Variants in MDH2 observed in about 807,000 individuals in gnomAD.
MDH2 encodes the protein malate dehydrogenase, mitochondrial.
Under a neutral mutation model 33.6 loss-of-function variants are expected in MDH2, and 25 were observed. That is an observed-to-expected ratio of 0.74 (90% CI 0.54 to 1.04). The LOEUF (loss-of-function observed/expected upper bound fraction) is 1.04. Among genes scored for constraint, MDH2 ranks in the 50% least tolerant of loss-of-function variants. MDH2 has a pLI of 0.00. For synonymous variants in MDH2, 193 were observed against 188.7 expected, an observed-to-expected ratio of 1.02 and a Z score of -0.19; for missense variants, 432 against 445.0, an observed-to-expected ratio of 0.97 and a Z score of 0.26.
At chr7:76,059,689 C>A (rs1260654695) in intron 4 of MDH2, among the ~76,000 whole-genome samples, 1 of 152,194 alleles carries the variant, frequency 6.6e-6, no homozygotes, top group Non-Finnish European at 1.5e-5. Context: ...TGGATGCCAG[C>A]AGGCATGCAG....
chr7:76,049,884 T>C (rs1421351800), intron 1 of MDH2, among the ~76,000 whole-genome samples: 1 of 152,112 alleles, frequency 6.6e-6, no homozygotes, highest in Non-Finnish European at 1.5e-5. Flanking sequence ...CAGGCTGGAG[T>C]GCAGTGGCGT....
At chr7:76,049,123 C>A (rs901427085) in intron 1 of MDH2, 1 of 984,508 alleles carries the variant, frequency 1.0e-6, no homozygotes, top group South Asian at 4.7e-5. Flanking sequence ...AATTTATCAT[C>A]GAAGTTCTCG....
chr7:76,064,763 T>C (rs1554587568), intron 7 of MDH2, 39 bp from the exon 8 acceptor site: 2 of 1,591,956 alleles, frequency 1.3e-6, no homozygotes, highest in Non-Finnish European at 8.5e-7. Context: ...GCGTCACGTT[T>C]GTGGCACCAG....
intron 5 of MDH2, among the ~76,000 whole-genome samples, chr7:76,061,477 T>C (rs781837453): frequency 6.6e-6 from 1 of 152,048 alleles, no homozygotes; most frequent in Non-Finnish European, 1.5e-5. Flanking sequence ...GACACTTGAA[T>C]CGAAGAGACA....
At chr7:76,057,368 A>T (rs139476346) in intron 2 of MDH2, 42 bp from the exon 3 acceptor site, 1 of 1,611,160 alleles carries the variant, frequency 6.2e-7, no homozygotes. Flanking sequence ...GCCTCTCTGA[A>T]TCAGAAACGG....
At chr7:76,057,343 G>A in intron 2 of MDH2, 67 bp from the exon 3 acceptor site, 1 of 1,581,078 alleles carries the variant, frequency 6.3e-7, no homozygotes, top group Non-Finnish European at 8.7e-7. Flanking sequence ...TTAAGGCCAG[G>A]GCTGAACTTT....
intron 2 of MDH2, 21 bp from the exon 3 acceptor site, chr7:76,057,389 C>T (rs782402305): frequency 5.0e-6 from 8 of 1,613,638 alleles, no homozygotes; most frequent in Non-Finnish European, 5.9e-6. Context: ...TGACATTTCT[C>T]TTGTGGGGTG....
intron 3 of MDH2, 53 bp from the exon 4 acceptor site, chr7:76,057,916 G>A (rs1797830252): frequency 3.2e-6 from 5 of 1,553,952 alleles, no homozygotes; most frequent in African/African-American, 1.4e-5. Context: ...CATGCTGCCT[G>A]TCTGGAAATT....
rs113082452 is a variant in MDH2, at chr7:76,053,813, C to T, written c.67-1017C>T. ...GTGAGTTTAGATCAGAAACAAGCTC[C>T]CTGGGTATGGCTGTAATTTTGGTCA... On this transcript the variant is annotated intron_variant, in intron 1 of 8. Coordinates refer to ENST00000315758, the MANE Select transcript of MDH2 (RefSeq NM_005918.4). Among the ~76,000 whole-genome samples the T allele has an allele frequency of 7.9e-3, 1,201 of 152,230 alleles. 10 individuals are homozygous for T. The highest frequency in any genetic ancestry group is 0.012 in the Admixed American group (188 of 15,282).
chr7:76,058,060 C>A lies in MDH2; in HGVS notation c.411C>A (p.Ile137=). 1 of 1,613,406 alleles carries A rather than the reference C, an allele frequency of 6.2e-7. No homozygotes were observed. The highest frequency in any genetic ancestry group is 1.1e-5 in the South Asian group (1 of 91,092). Reference sequence around the variant, plus strand: ...CCCAGCACTGCCCGGAAGCCATGATCTGCGTCATTGCCAATCCGGTGAGTG... The same window carrying A: ...CCCAGCACTGCCCGGAAGCCATGATATGCGTCATTGCCAATCCGGTGAGTG... ...ACAQHCPEAM[I]CVIANPVNST... is the part of the protein sequence containing the mutation. Residue 137 remains isoleucine, a synonymous_variant, in exon 4 of 9, where the codon ATC becomes ATA. Transcript: ENST00000315758.
chr7:76,048,228 T>C lies in MDH2; in HGVS notation c.66+2T>C. ...CGCAGCTTCAGCACCTCGGCCCAGG[T>C]AGGCCAGACGAGGGGCGGCCTGCAG... On this transcript the variant is annotated splice_donor_variant, in intron 1 of 8. Transcript: ENST00000315758. LOFTEE classifies it high-confidence loss of function. The C allele has an allele frequency of 1.3e-6, 2 of 1,534,440 alleles. No homozygotes were observed. The highest frequency in any genetic ancestry group is 1.7e-6 in the Non-Finnish European group (2 of 1,146,150).
intron 7 of MDH2, 58 bp from the exon 8 acceptor site, chr7:76,064,744 C>A: frequency 6.5e-7 from 1 of 1,533,724 alleles, no homozygotes; most frequent in Non-Finnish European, 8.7e-7. Context: ...GCGGGGCCGG[C>A]TCACCTGGGC....
chr7:76,048,293 C>A, intron 1 of MDH2, 67 bp downstream of exon 1: 2 of 1,504,324 alleles, frequency 1.3e-6, no homozygotes, highest in South Asian at 1.3e-5. Context: ...GTCCCCGGTT[C>A]GCGGGCAGCT....
intron 1 of MDH2, among the ~76,000 whole-genome samples, chr7:76,052,888 G>A (rs1797667453): frequency 6.6e-6 from 1 of 151,856 alleles, no homozygotes; most frequent in Admixed American, 6.6e-5. Context: ...TGTTTCCCAG[G>A]CTGGAATGCA....
At chr7:76,050,701 A>C (rs1797595778) in intron 1 of MDH2, among the ~76,000 whole-genome samples, 1 of 152,154 alleles carries the variant, frequency 6.6e-6, no homozygotes, top group African/African-American at 2.4e-5. Flanking sequence ...GTGGTTATCT[A>C]GGTGCAGGTG....
intron 8 of MDH2, 78 bp downstream of exon 8, chr7:76,065,031 T>C (rs2116703811): frequency 7.2e-7 from 1 of 1,385,770 alleles, no homozygotes; most frequent in Non-Finnish European, 1.0e-6. Context: ...GAGCTCTCCC[T>C]GGCCCTTTAT....
intron 5 of MDH2, among the ~76,000 whole-genome samples, chr7:76,062,436 G>A (rs1797981986): frequency 1.3e-5 from 2 of 152,198 alleles, no homozygotes; most frequent in South Asian, 2.1e-4. Flanking sequence ...TAAGCCTCTC[G>A]GATCTTTGGC....
At chr7:76,063,009 GTTCTTTC>G in intron 5 of MDH2, among the ~76,000 whole-genome samples, 1 of 152,240 alleles carries the variant, frequency 6.6e-6, no homozygotes, top group Admixed American at 6.5e-5. Flanking sequence ...GAGTCAGTTT[GTTCTTTC>G]TGTCCCAATC....
Position 76,058,047 on chromosome 7 carries a change from C to T in MDH2, c.398C>T (p.Pro133Leu), listed in dbSNP as rs375002796. ...TLTAACAQHCPEAMICVIANP... is the reference protein window; with the variant it reads ...TLTAACAQHCLEAMICVIANP... ...ACCGCTGCCTGTGCCCAGCACTGCC[C>T]GGAAGCCATGATCTGCGTCATTGCC... The change falls in exon 4 of 9, where the codon CCG (proline) becomes CTG (leucine). Residue 133 changes from proline (P) to leucine (L), a missense_variant. By Grantham distance (98) the Pro-to-Leu change is moderately conservative (BLOSUM62 -3). Coordinates refer to ENST00000315758, the MANE Select transcript of MDH2 (RefSeq NM_005918.4). The T allele has an allele frequency of 5.3e-5, 85 of 1,613,540 alleles. No individual in the cohort carries two copies. Among genetic ancestry groups the T allele is most frequent in the Admixed American group, 1.0e-4 (6 of 60,004 alleles).
Sources: allele counts gnomAD v4.1 joint callset (sites outside exome capture counted in the v4.1 genomes callset), GRCh38; gene constraint gnomAD v4.1.1; transcripts MANE v1.5; gene names NCBI Gene and HGNC (gene_info 2026-07-23, HGNC 2026-07-21).